ME2: variants seen among roughly 807,000 people sequenced by gnomAD.
ME2 encodes the protein NAD-dependent malic enzyme, mitochondrial.
Under a neutral mutation model 73.7 loss-of-function variants are expected in ME2, and 60 were observed. The ratio of observed to expected loss-of-function variants is 0.81; its 90% CI spans 0.66 to 1.01. The LOEUF (loss-of-function observed/expected upper bound fraction) is 1.01, where lower values mean the gene tolerates loss of function less well. ME2 is among the 50% of genes least tolerant of loss of function. The probability of loss-of-function intolerance (pLI) is 0.00; values close to 1 mark genes in which losing one functional copy is unlikely to be tolerated. For missense variants in ME2, 594 were observed against 705.5 expected (o/e 0.84, Z 1.79); for synonymous variants, 199 against 236.9 (o/e 0.84, Z 1.47).
intron 4 of ME2, chr18:50,915,596 T>C (rs1917266205): frequency 6.6e-6 from 1 of 152,252 alleles, no homozygotes; most frequent in Admixed American, 6.5e-5. Context: ...GAAAATCATA[T>C]GTAAATTTTT....
chr18:50,941,820 TCTTTTTCCACA>T (rs1568176605), intron 15 of ME2, among the ~76,000 whole-genome samples: 1 of 151,954 alleles, frequency 6.6e-6, no homozygotes, highest in African/African-American at 2.4e-5. Context: ...TATGAGTGTA[TCTTTTTCCACA>T]CTTTTTCCAA....
chr18:50,880,898 C>T (rs1440659816), intron 1 of ME2, among the ~76,000 whole-genome samples: 1 of 152,046 alleles, frequency 6.6e-6, no homozygotes, highest in Non-Finnish European at 1.5e-5. Flanking sequence ...ACAAAATATT[C>T]ATAAAGGAAA....
At chr18:50,896,170 TTAAAAAA>T (rs1916739756) in intron 2 of ME2, among the ~76,000 whole-genome samples, 2 of 152,136 alleles carry the variant, frequency 1.3e-5, no homozygotes, top group Non-Finnish European at 2.9e-5. Flanking sequence ...AGTTCTAGCT[TTAAAAAA>T]TAAAAAATAA....
rs373594729 is a variant in ME2 at position 50,897,635 on chromosome 18, C to T, written c.108+1707C>T. Among the ~76,000 whole-genome samples, 6 of 152,000 alleles carry T rather than the reference C, an allele frequency of 3.9e-5. 1 individual carries two copies. Among genetic ancestry groups the T allele is most frequent in the East Asian group, 1.9e-4 (1 of 5,156 alleles). ...CAGCACTTTGGGAGGCTGAGGTGGG[C>T]GGATCACCTGAGGTTGGGAGTTCGA... On this transcript the variant is annotated intron_variant, in intron 2 of 15. Coordinates refer to ENST00000321341, the MANE Select transcript of ME2 (RefSeq NM_002396.5).
chr18:50,899,975 A>C (rs1439180579), intron 2 of ME2, among the ~76,000 whole-genome samples: 1 of 152,240 alleles, frequency 6.6e-6, no homozygotes, highest in African/African-American at 2.4e-5. Flanking sequence ...TTCACAGATA[A>C]TTAAACATAG....
In ME2 at chr18:50,921,034, G is replaced by A. The variant is rs187047094; in HGVS notation, c.943-40G>A. The stretch of plus-strand genomic sequence containing the variant: ...TATAAAGTAATTCAAGCATTGCATC[G>A]TACTCTAGTATATATTAAAATTTAT... On this transcript the variant is annotated intron_variant, in intron 9 of 15. Transcript: ENST00000321341. 33 of 969,124 alleles carry A rather than the reference G, an allele frequency of 3.4e-5. 1 individual carries two copies. Among genetic ancestry groups the A allele is most frequent in the East Asian group, 3.1e-4 (12 of 38,676 alleles). The allele number at this position is 969,124 out of a possible 1,614,324, so 60.0% of individuals were successfully genotyped here. A position where few individuals can be genotyped will look rare whatever the true frequency, so the allele number is the denominator to read the frequency against.
rs747456338 is a variant in ME2, at chr18:50,952,253, T to A, written c.*5069T>A. 10 of 152,202 alleles carry A rather than the reference T, an allele frequency of 6.6e-5. No individual in the cohort carries two copies. The highest frequency in any genetic ancestry group is 1.2e-4 in the Non-Finnish European group (8 of 68,030). 9.4% of individuals were successfully genotyped at this position (152,202 alleles called of 1,614,324 possible). On this transcript the variant is annotated 3_prime_UTR_variant, in exon 16 of 16. Coordinates refer to ENST00000321341, the MANE Select transcript of ME2 (RefSeq NM_002396.5). The stretch of plus-strand genomic sequence containing the variant: ...CATCTGAAATCAGGGTAAGTTTTTT[T>A]AATGTAAGCAGAGAAAAAAATAAAG...
At chr18:50,910,207 G>A (rs914140116) in intron 3 of ME2, among the ~76,000 whole-genome samples, 1 of 143,202 alleles carries the variant, frequency 7.0e-6, no homozygotes, top group African/African-American at 2.7e-5. Flanking sequence ...CAAGGTGGGA[G>A]GATCACTTGA....
At chr18:50,925,979 C>A in intron 12 of ME2, 81 bp downstream of exon 12, 1 of 991,850 alleles carries the variant, frequency 1.0e-6, no homozygotes, top group Non-Finnish European at 1.5e-6. Flanking sequence ...CACCATTGTT[C>A]TAATGGTTTC....
chr18:50,942,182 A>G (rs1313869153), intron 15 of ME2, among the ~76,000 whole-genome samples: 23 of 152,156 alleles, frequency 1.5e-4, no homozygotes, highest in Admixed American at 1.5e-3. Context: ...ATTTTAATGT[A>G]TGATATGAGA....
In ME2 at chr18:50,952,587, A is replaced by G. The variant is rs1281355484; in HGVS notation, c.*5403A>G. 6.6e-6 allele frequency: 1 copy of G among 152,194 alleles called. No individual in the cohort carries two copies. The highest frequency in any genetic ancestry group is 1.9e-4 in the East Asian group (1 of 5,202). 9.4% of individuals were successfully genotyped at this position (152,194 alleles called of 1,614,324 possible). A position where few individuals can be genotyped will look rare whatever the true frequency, so the allele number is the denominator to read the frequency against. ...GGCTATAGAATCTTGTTTTTTCCAAATAAAAACTTTGCAATTGGGAGTTAT... is the reference window on the plus strand; with the variant it reads ...GGCTATAGAATCTTGTTTTTTCCAAGTAAAAACTTTGCAATTGGGAGTTAT... On this transcript the variant is annotated 3_prime_UTR_variant, in exon 16 of 16. Coordinates refer to ENST00000321341, the MANE Select transcript of ME2 (RefSeq NM_002396.5).
chr18:50,938,169 A>C (rs1360891313), intron 13 of ME2, among the ~76,000 whole-genome samples: 1 of 152,152 alleles, frequency 6.6e-6, no homozygotes, highest in Non-Finnish European at 1.5e-5. Context: ...CTCTACAAAA[A>C]ATAAAAAAAT....
At chr18:50,906,144 A>G (rs562337947) in intron 2 of ME2, among the ~76,000 whole-genome samples, 8 of 152,246 alleles carry the variant, frequency 5.3e-5, no homozygotes, top group African/African-American at 9.6e-5. Context: ...ATGTGAATGT[A>G]AAGTCTTTAT....
chr18:50,950,031 T>C lies in ME2; in HGVS notation c.*2847T>C, dbSNP rs1918186290. On this transcript the variant is annotated 3_prime_UTR_variant, in exon 16 of 16. Coordinates refer to ENST00000321341, the MANE Select transcript of ME2 (RefSeq NM_002396.5). The stretch of plus-strand genomic sequence containing the variant: ...TATTTTGAATAACAGCAATAGAGAA[T>C]CTTTTATTTTGAATTGAGAAGAAAT... The C allele has an allele frequency of 6.6e-6, 1 of 152,156 alleles. No homozygotes were observed. The highest frequency in any genetic ancestry group is 2.4e-5 in the African/African-American group (1 of 41,436). The allele number at this position is 152,156 out of a possible 1,614,324, so 9.4% of individuals were successfully genotyped here. A position where few individuals can be genotyped will look rare whatever the true frequency, so the allele number is the denominator to read the frequency against.
At chr18:50,880,934 C>A (rs1202255400) in intron 1 of ME2, among the ~76,000 whole-genome samples, 1 of 152,154 alleles carries the variant, frequency 6.6e-6, no homozygotes, top group Non-Finnish European at 1.5e-5. Flanking sequence ...TTGGGAACTT[C>A]TTTTGTAAAA....
intron 13 of ME2, chr18:50,932,758 C>T (rs1599120282): frequency 6.4e-6 from 1 of 155,156 alleles, no homozygotes; most frequent in Non-Finnish European, 1.4e-5. Flanking sequence ...CAGGTTCAAG[C>T]AGTTCCCCTG....
At chr18:50,919,003 C>T (rs1431303209) in intron 7 of ME2, among the ~76,000 whole-genome samples, 1 of 152,184 alleles carries the variant, frequency 6.6e-6, no homozygotes, top group Non-Finnish European at 1.5e-5. Context: ...TAACATTCAT[C>T]CTGTTGCCAA....
At position 50,947,256 on chromosome 18, in the gene ME2, T is replaced by G; in HGVS notation, c.*72T>G. ...TTTCAGACAAGAAGAGATAATGTCT[T>G]CAGTTTTATGGTGTTTTCTGTGTTT... On this transcript the variant is annotated 3_prime_UTR_variant, in exon 16 of 16. Coordinates refer to ENST00000321341, the MANE Select transcript of ME2 (RefSeq NM_002396.5). The G allele has an allele frequency of 6.8e-7, 1 of 1,463,840 alleles. No individual in the cohort carries two copies. The highest frequency in any genetic ancestry group is 2.3e-5 in the East Asian group (1 of 43,918). The allele number at this position is 1,463,840 out of a possible 1,614,324, so 90.7% of individuals were successfully genotyped here.
At chr18:50,944,680 A>G (rs150916577) in intron 15 of ME2, among the ~76,000 whole-genome samples, 1 of 152,248 alleles carries the variant, frequency 6.6e-6, no homozygotes, top group East Asian at 1.9e-4. Context: ...GTTCCAGAAT[A>G]AAACACTAGC....
Sources: allele counts gnomAD v4.1 joint callset (sites outside exome capture counted in the v4.1 genomes callset), GRCh38; gene constraint gnomAD v4.1.1; transcripts MANE v1.5; gene names NCBI Gene and HGNC (gene_info 2026-07-23, HGNC 2026-07-21).